FGD4: variants seen among roughly 807,000 people sequenced by gnomAD.
FGD4 encodes the protein FYVE, RhoGEF and PH domain containing 4.
In FGD4, 42 loss-of-function variants were observed where a neutral mutation model predicts 102.0. That is an observed-to-expected ratio of 0.41 (90% CI 0.32 to 0.53). The LOEUF (loss-of-function observed/expected upper bound fraction) is 0.53. Ranked by LOEUF, FGD4 falls within the 20% of genes least tolerant of loss-of-function variation. The probability of loss-of-function intolerance (pLI) is 0.21; values close to 1 mark genes in which losing one functional copy is unlikely to be tolerated. For synonymous variants in FGD4, 380 were observed against 375.7 expected (o/e 1.01, Z -0.13); for missense variants, 902 against 1,078.2 (o/e 0.84, Z 2.29).
intron 1 of FGD4, among the ~76,000 whole-genome samples, chr12:32,546,835 G>C (rs1339186286): frequency 6.6e-6 from 1 of 152,206 alleles, no homozygotes; most frequent in Non-Finnish European, 1.5e-5. Flanking sequence ...GGAGTGTGCA[G>C]AGCTGAAGAG....
At chr12:32,528,337 A>C (rs1405186389) in intron 1 of FGD4, among the ~76,000 whole-genome samples, 8 of 152,132 alleles carry the variant, frequency 5.3e-5, no homozygotes, top group African/African-American at 1.2e-4. Context: ...TGCTTACACA[A>C]GTCTGTTATA....
At chr12:32,489,631 G>A (rs182277352) in intron 1 of FGD4, among the ~76,000 whole-genome samples, 2 of 152,308 alleles carry the variant, frequency 1.3e-5, no homozygotes, top group East Asian at 1.9e-4. Flanking sequence ...TTGATTCTGA[G>A]TGATACTGTA....
chr12:32,614,047 A>G (rs1949307049), intron 10 of FGD4, among the ~76,000 whole-genome samples: 1 of 152,206 alleles, frequency 6.6e-6, no homozygotes, highest in African/African-American at 2.4e-5. Context: ...TTGCTAGGAA[A>G]AAGTTCATCT....
At chr12:32,474,899 A>G (rs551526199) in intron 1 of FGD4, among the ~76,000 whole-genome samples, 3 of 152,284 alleles carry the variant, frequency 2.0e-5, no homozygotes, top group Non-Finnish European at 2.9e-5. Flanking sequence ...GCCAGACCCT[A>G]TCTCCAAATT....
chr12:32,488,307 A>G (rs1286021294), intron 1 of FGD4, among the ~76,000 whole-genome samples: 1 of 152,212 alleles, frequency 6.6e-6, no homozygotes, highest in Non-Finnish European at 1.5e-5. Context: ...AACTGAGTTT[A>G]GAGTACTTTG....
intron 1 of FGD4, among the ~76,000 whole-genome samples, chr12:32,471,431 T>C (rs1339838585): frequency 6.6e-6 from 1 of 152,216 alleles, no homozygotes; most frequent in Non-Finnish European, 1.5e-5. Flanking sequence ...CTCCTGAGAC[T>C]TAGACGCTAT....
chr12:32,458,904 G>A (rs1223109754), intron 1 of FGD4, among the ~76,000 whole-genome samples: 1 of 152,170 alleles, frequency 6.6e-6, no homozygotes, highest in Admixed American at 6.5e-5. Flanking sequence ...AGAGGAAACA[G>A]GCTCATAGAG....
chr12:32,486,147 A>C (rs1943893361), intron 1 of FGD4: 2 of 1,527,430 alleles, frequency 1.3e-6, no homozygotes, highest in East Asian at 2.5e-5. Flanking sequence ...GGGGGCTGTG[A>C]GTATTGTTTT....
chr12:32,638,826 G>C (rs1425382487), intron 16 of FGD4, 31 bp downstream of exon 16: 1 of 1,613,628 alleles, frequency 6.2e-7, no homozygotes, highest in African/African-American at 1.3e-5. Flanking sequence ...TGAAGGGACA[G>C]ATGCCCTTGG....
chr12:32,492,888 A>G (rs1944159099), intron 1 of FGD4, among the ~76,000 whole-genome samples: 2 of 152,218 alleles, frequency 1.3e-5, no homozygotes, highest in Non-Finnish European at 2.9e-5. Context: ...GTAAAGGTGA[A>G]AAGCTGGTGC....
At chr12:32,613,356 CTA>C (rs1054251670) in intron 10 of FGD4, among the ~76,000 whole-genome samples, 13 of 152,194 alleles carry the variant, frequency 8.5e-5, no homozygotes, top group African/African-American at 2.9e-4. Flanking sequence ...TATGAAAAAA[CTA>C]TGCGTAGATT....
chr12:32,536,388 G>A (rs914792948), intron 1 of FGD4, among the ~76,000 whole-genome samples: 8 of 152,336 alleles, frequency 5.3e-5, no homozygotes, highest in South Asian at 2.1e-4. Flanking sequence ...GGGAAAAGTT[G>A]AAGTCATTTA....
intron 7 of FGD4, among the ~76,000 whole-genome samples, chr12:32,604,436 A>G (rs1347195945): frequency 1.3e-5 from 2 of 152,002 alleles, no homozygotes; most frequent in Non-Finnish European, 2.9e-5. Context: ...TGATACTCCC[A>G]ATCTTTGTTC....
chr12:32,514,645 G>A (rs1225766664), intron 1 of FGD4, among the ~76,000 whole-genome samples: 1 of 151,938 alleles, frequency 6.6e-6, no homozygotes, highest in Admixed American at 6.6e-5. Flanking sequence ...CTGTGTAGCT[G>A]GGACTACAAG....
intron 1 of FGD4, among the ~76,000 whole-genome samples, chr12:32,451,352 C>T (rs999443676): frequency 6.6e-6 from 1 of 152,080 alleles, no homozygotes; most frequent in East Asian, 1.9e-4. Context: ...CCATATGTTT[C>T]TACAACAACA....
At chr12:32,491,778 A>G (rs1329511987) in intron 1 of FGD4, among the ~76,000 whole-genome samples, 2 of 152,230 alleles carry the variant, frequency 1.3e-5, no homozygotes, top group Non-Finnish European at 2.9e-5. Flanking sequence ...AAGTTAAACC[A>G]AAAATAACAC....
At chr12:32,529,854 A>AG (rs1227315868) in intron 1 of FGD4, among the ~76,000 whole-genome samples, 1 of 149,994 alleles carries the variant, frequency 6.7e-6, no homozygotes, top group Non-Finnish European at 1.5e-5. Context: ...AAAAAAAAAA[A>AG]AATTTAAAAA....
intron 1 of FGD4, among the ~76,000 whole-genome samples, chr12:32,529,608 G>A (rs1262653273): frequency 1.3e-5 from 2 of 151,588 alleles, no homozygotes; most frequent in Admixed American, 6.6e-5. Flanking sequence ...ACTTTGGGAG[G>A]CTGAGGTGGG....
rs1168716023 is a variant in FGD4, at chr12:32,449,123, A to T, written c.166+49164A>T. Among the ~76,000 whole-genome samples the T allele has an allele frequency of 6.6e-5, 10 of 151,750 alleles. No individual in the cohort carries two copies. The South Asian group carries it at 8.4e-4, about 13-fold the overall frequency. On this transcript the variant is annotated intron_variant, in intron 1 of 16. Coordinates refer to ENST00000534526, the MANE Select transcript of FGD4 (RefSeq NM_001370298.3). ...CAAAAACTATCTCAAATATACAGAA[A>T]TTTTTTTTTCCTAATTGATTTAATA...
Sources: gnomAD v4.1 joint callset for allele counts (sites outside exome capture counted in the v4.1 genomes callset) on GRCh38, gnomAD v4.1.1 for gene constraint, MANE v1.5 for transcripts, NCBI Gene and HGNC (gene_info 2026-07-23, HGNC 2026-07-21) for gene names.